LRFN2: variants seen among roughly 807,000 people sequenced by gnomAD.
The protein encoded by LRFN2 is leucine rich repeat and fibronectin type III domain containing 2.
LRFN2 carries 18 observed loss-of-function variants against 37.3 expected under a neutral mutation model. The ratio of observed to expected loss-of-function variants is 0.48; its 90% CI spans 0.33 to 0.72. The LOEUF (loss-of-function observed/expected upper bound fraction) is 0.72. Among genes scored for constraint, LRFN2 ranks in the 30% least tolerant of loss-of-function variants. The pLI is 0.02. For missense variants in LRFN2, 1,006 were observed against 1,060.7 expected (o/e 0.95, Z 0.72); for synonymous variants, 556 against 466.6 (o/e 1.19, Z -2.47).
At chr6:40,409,695 A>T (rs1363439899) in intron 2 of LRFN2, among the ~76,000 whole-genome samples, 1 of 152,142 alleles carries the variant, frequency 6.6e-6, no homozygotes, top group African/African-American at 2.4e-5. Flanking sequence ...TGGACACAGT[A>T]TGTAAGTGGT....
At chr6:40,435,048 TATATAGAG>T (rs1241505947) in intron 1 of LRFN2, among the ~76,000 whole-genome samples, 133 of 71,102 alleles carry the variant, frequency 1.9e-3, no homozygotes, top group African/African-American at 4.1e-3. Context: ...TATATATATA[TATATAGAG>T]AGAGAGAGAG....
rs117203939 is a variant in LRFN2 at position 40,393,474 on chromosome 6, G to A, written c.1401-562C>T. On this transcript the variant is annotated intron_variant, in intron 2 of 2. Transcript: ENST00000338305. Reference sequence around the variant, plus strand: ...AAGAGAAAAGGGGAGGCATTTAGAGGTGGAGGGAAAGAGGAGTGGGGGAGA... The same window carrying A: ...AAGAGAAAAGGGGAGGCATTTAGAGATGGAGGGAAAGAGGAGTGGGGGAGA... Among the ~76,000 whole-genome samples the A allele has an allele frequency of 2.2e-4, 34 of 152,120 alleles. No homozygotes were observed. The East Asian group carries it at 3.3e-3, about 15-fold the overall frequency.
chr6:40,450,505 C>A (rs140726924), intron 1 of LRFN2, among the ~76,000 whole-genome samples: 5 of 152,234 alleles, frequency 3.3e-5, no homozygotes, highest in Non-Finnish European at 5.9e-5. Flanking sequence ...CAGGGGCAGC[C>A]TTTTCCTTGT....
chr6:40,577,132 C>T (rs1581803089), intron 1 of LRFN2, among the ~76,000 whole-genome samples: 1 of 60,578 alleles, frequency 1.7e-5, no homozygotes, highest in Non-Finnish European at 3.6e-5. Flanking sequence ...TATGGAGTCT[C>T]GCTGTCTCAC....
intron 1 of LRFN2, among the ~76,000 whole-genome samples, chr6:40,505,141 C>G (rs1765499360): frequency 6.6e-6 from 1 of 152,162 alleles, no homozygotes; most frequent in African/African-American, 2.4e-5. Flanking sequence ...TCTTCTGGTT[C>G]AGGTGGGCAT....
At chr6:40,522,579 T>C (rs1766112826) in intron 1 of LRFN2, among the ~76,000 whole-genome samples, 1 of 152,164 alleles carries the variant, frequency 6.6e-6, no homozygotes, top group Non-Finnish European at 1.5e-5. Context: ...GGTGACCAGC[T>C]TTCCCAAAGG....
intron 1 of LRFN2, among the ~76,000 whole-genome samples, chr6:40,534,987 C>A (rs916609707): frequency 6.6e-6 from 1 of 152,200 alleles, no homozygotes; most frequent in Non-Finnish European, 1.5e-5. Flanking sequence ...GATATAGTGG[C>A]AGAGCTGGGA....
At chr6:40,551,305 C>T (rs910086967) in intron 1 of LRFN2, among the ~76,000 whole-genome samples, 3 of 152,214 alleles carry the variant, frequency 2.0e-5, no homozygotes, top group African/African-American at 4.8e-5. Flanking sequence ...CAGGAACTCA[C>T]ATTCTTCAAG....
At chr6:40,487,869 G>C (rs1046072285) in intron 1 of LRFN2, among the ~76,000 whole-genome samples, 4 of 151,604 alleles carry the variant, frequency 2.6e-5, no homozygotes, top group Non-Finnish European at 5.9e-5. Context: ...CATCCCCTGA[G>C]CAGTCAGAAT....
chr6:40,583,726 C>G (rs907019062), intron 1 of LRFN2, among the ~76,000 whole-genome samples: 1 of 152,138 alleles, frequency 6.6e-6, no homozygotes, highest in East Asian at 1.9e-4. Flanking sequence ...GTATCCCTCC[C>G]GCTACTACAC....
intron 1 of LRFN2, among the ~76,000 whole-genome samples, chr6:40,541,346 T>TC (rs1486585604): frequency 1.3e-5 from 2 of 152,192 alleles, no homozygotes; most frequent in Non-Finnish European, 2.9e-5. Flanking sequence ...TCGCCTCACA[T>TC]TCCCCAAGAG....
chr6:40,537,058 A>T (rs1016596581), intron 1 of LRFN2, among the ~76,000 whole-genome samples: 4 of 152,232 alleles, frequency 2.6e-5, no homozygotes, highest in Admixed American at 1.3e-4. Flanking sequence ...AAGGTTATGG[A>T]GCTAGTACAC....
At chr6:40,438,689 T>G (rs1187331244) in intron 1 of LRFN2, among the ~76,000 whole-genome samples, 1 of 152,130 alleles carries the variant, frequency 6.6e-6, no homozygotes, top group South Asian at 2.1e-4. Flanking sequence ...GTGAACCAGC[T>G]GTTTGGCTAC....
intron 1 of LRFN2, among the ~76,000 whole-genome samples, chr6:40,583,589 T>C (rs975678973): frequency 3.3e-5 from 5 of 152,184 alleles, no homozygotes; most frequent in Non-Finnish European, 5.9e-5. Flanking sequence ...CTGTGAGTGC[T>C]AAAGGGCTTG....
At chr6:40,529,915 T>A (rs1766316843) in intron 1 of LRFN2, among the ~76,000 whole-genome samples, 1 of 152,224 alleles carries the variant, frequency 6.6e-6, no homozygotes, top group East Asian at 1.9e-4. Context: ...AGGATTCTTG[T>A]TTTTAAACGT....
intron 2 of LRFN2, among the ~76,000 whole-genome samples, chr6:40,418,889 C>T (rs1436866020): frequency 1.3e-5 from 2 of 152,242 alleles, no homozygotes; most frequent in Non-Finnish European, 2.9e-5. Context: ...TATCCATACT[C>T]TGCCCTCTTC....
At chr6:40,410,381 G>T (rs1470007051) in intron 2 of LRFN2, among the ~76,000 whole-genome samples, 1 of 152,178 alleles carries the variant, frequency 6.6e-6, no homozygotes, top group Non-Finnish European at 1.5e-5. Flanking sequence ...GGTTGTGGAA[G>T]TAGGGGCAGC....
At chr6:40,434,692 G>C (rs1049686861) in intron 1 of LRFN2, among the ~76,000 whole-genome samples, 3 of 151,822 alleles carry the variant, frequency 2.0e-5, no homozygotes. Flanking sequence ...TGGCTGGGCT[G>C]TTCTCAAACT....
intron 1 of LRFN2, chr6:40,517,317 G>A (rs1465657981): frequency 6.6e-6 from 1 of 152,178 alleles, no homozygotes; most frequent in Non-Finnish European, 1.5e-5. Context: ...ATGAGTATGG[G>A]GGATGAAGGT....
Sources: gnomAD v4.1 joint callset for allele counts (sites outside exome capture counted in the v4.1 genomes callset) on GRCh38, gnomAD v4.1.1 for gene constraint, MANE v1.5 for transcripts, NCBI Gene and HGNC (gene_info 2026-07-23, HGNC 2026-07-21) for gene names.